Variants in WDR41 observed in about 807,000 individuals in gnomAD.
The protein encoded by WDR41 is WD repeat-containing protein 41.
A neutral mutation model predicts 69.3 loss-of-function variants in WDR41; 63 were observed. The observed-to-expected ratio is 0.91, with a 90% CI of 0.74 to 1.12. The LOEUF (loss-of-function observed/expected upper bound fraction) is 1.12. Ranked by LOEUF, WDR41 falls within the 50% of genes most tolerant of loss-of-function variation. The pLI is 0.00. For synonymous variants in WDR41, 185 were observed against 192.1 expected (o/e 0.96, Z 0.31); for missense variants, 543 against 534.5 (o/e 1.02, Z -0.16).
At chr5:77,588,101 T>C (rs1345342924) in intron 1 of WDR41, among the ~76,000 whole-genome samples, 1 of 152,232 alleles carries the variant, frequency 6.6e-6, no homozygotes, top group East Asian at 1.9e-4. Context: ...TAAACACCTG[T>C]TCAAACAATC....
rs567259572 is a variant in WDR41, at chr5:77,472,968, T to C, written c.168-8159A>G. ...AAAACAGCCCGCATTGCCAAGTCAG[T>C]CCTAAGCCAAAAGAACCAAGCTGGA... On this transcript the variant is annotated intron_variant, in intron 2 of 12. Transcript: ENST00000296679. Among the ~76,000 whole-genome samples the C allele has an allele frequency of 1.5e-3, 233 of 152,224 alleles. 4 individuals are homozygous for C. The highest frequency in any genetic ancestry group is 5.5e-3 in the African/African-American group (229 of 41,522).
chr5:77,521,923 C>T (rs1355085621), intron 1 of WDR41, among the ~76,000 whole-genome samples: 2 of 152,124 alleles, frequency 1.3e-5, no homozygotes, highest in African/African-American at 2.4e-5. Context: ...TCTTTTAAGC[C>T]GTAGGTCTTT....
intron 1 of WDR41, among the ~76,000 whole-genome samples, chr5:77,497,331 T>G (rs573806260): frequency 1.3e-5 from 2 of 152,056 alleles, no homozygotes; most frequent in East Asian, 3.9e-4. Flanking sequence ...AAGAAAATAT[T>G]TGCAAATCAT....
intron 1 of WDR41, among the ~76,000 whole-genome samples, chr5:77,611,267 G>A (rs1744543941): frequency 6.6e-6 from 1 of 152,094 alleles, no homozygotes; most frequent in Non-Finnish European, 1.5e-5. Context: ...AGTTAACAAG[G>A]ATACACAGGA....
intron 1 of WDR41, among the ~76,000 whole-genome samples, chr5:77,519,576 T>C (rs1203023600): frequency 1.3e-5 from 2 of 152,026 alleles, no homozygotes; most frequent in African/African-American, 4.8e-5. Flanking sequence ...GACCTGAAAA[T>C]AGTTTCTTGT....
chr5:77,505,710 C>T (rs544468360), intron 1 of WDR41, among the ~76,000 whole-genome samples: 3 of 152,218 alleles, frequency 2.0e-5, no homozygotes, highest in South Asian at 2.1e-4. Context: ...TGGAACAGAA[C>T]AGAGACCTCA....
At chr5:77,585,919 C>T (rs1744029881) in intron 1 of WDR41, among the ~76,000 whole-genome samples, 1 of 152,038 alleles carries the variant, frequency 6.6e-6, no homozygotes, top group Non-Finnish European at 1.5e-5. Flanking sequence ...CAAATCACCA[C>T]TAAAGAACTT....
At chr5:77,575,822 T>C (rs1406029892) in intron 1 of WDR41, among the ~76,000 whole-genome samples, 1 of 152,058 alleles carries the variant, frequency 6.6e-6, no homozygotes, top group African/African-American at 2.4e-5. Flanking sequence ...TATGGAGAAA[T>C]GGAAAAAGCA....
At chr5:77,562,086 A>G (rs1743537736) in intron 1 of WDR41, among the ~76,000 whole-genome samples, 1 of 152,106 alleles carries the variant, frequency 6.6e-6, no homozygotes, top group Non-Finnish European at 1.5e-5. Flanking sequence ...TTTTGTTTGG[A>G]TTGAGATGGC....
At chr5:77,473,907 C>A (rs1800757034) in intron 2 of WDR41, among the ~76,000 whole-genome samples, 1 of 152,128 alleles carries the variant, frequency 6.6e-6, no homozygotes, top group Non-Finnish European at 1.5e-5. Flanking sequence ...ACTAGAAATA[C>A]CATTTGACCC....
intron 1 of WDR41, chr5:77,491,121 C>T: frequency 2.6e-6 from 1 of 388,052 alleles, no homozygotes; most frequent in South Asian, 1.8e-5. Flanking sequence ...AAATGCCCTG[C>T]CCCGCCTTAA....
chr5:77,492,593 C>T (rs114408013), upstream of WDR41: 777 of 256,622 alleles, frequency 3.0e-3, 4 homozygotes, highest in African/African-American at 0.016. Context: ...AGCAGCAACC[C>T]GACCCCGGCG....
intron 1 of WDR41, among the ~76,000 whole-genome samples, chr5:77,617,562 C>G (rs920446442): frequency 6.6e-6 from 1 of 151,690 alleles, no homozygotes; most frequent in African/African-American, 2.4e-5. Context: ...AAACAAATAT[C>G]ATAGTCATTA....
At position 77,524,087 on chromosome 5, in the gene WDR41, G is replaced by T. The variant is rs367890658; in HGVS notation, c.43-34515C>A. On this transcript the variant is annotated intron_variant, in intron 1 of 5. Transcript: ENST00000509971. Reference sequence around the variant, plus strand: ...CAGTCTAAAACAACAGTGTTCATGTGTTCACAACAGGGACAAAACAATCAA... The same window carrying T: ...CAGTCTAAAACAACAGTGTTCATGTTTTCACAACAGGGACAAAACAATCAA... Among the ~76,000 whole-genome samples the T allele has an allele frequency of 1.3e-4, 20 of 152,210 alleles. No homozygotes were observed. The East Asian group carries it at 2.9e-3, about 22-fold the overall frequency.
intron 1 of WDR41, among the ~76,000 whole-genome samples, chr5:77,599,197 C>CTTTTTTTTTTTTTT (rs34759217): frequency 1.3e-5 from 1 of 76,186 alleles, no homozygotes; most frequent in Non-Finnish European, 2.4e-5. Flanking sequence ...ATCGGAAGCT[C>CTTTTTTTTTTTTTT]TTTTTTTTTT....
At chr5:77,547,035 C>G (rs1275640046) in intron 1 of WDR41, among the ~76,000 whole-genome samples, 2 of 152,204 alleles carry the variant, frequency 1.3e-5, no homozygotes, top group Admixed American at 1.3e-4. Context: ...ATGATCATCT[C>G]AATAGATGCA....
chr5:77,474,277 G>C (rs1010451186), intron 2 of WDR41, among the ~76,000 whole-genome samples: 3 of 152,006 alleles, frequency 2.0e-5, no homozygotes, highest in African/African-American at 7.3e-5. Flanking sequence ...ACACACCAGG[G>C]CCTGTTGTGG....
At position 77,436,292 on chromosome 5, in the gene WDR41, C is replaced by T. The variant is rs527296105; in HGVS notation, c.1196G>A (p.Gly399Glu). 1.0e-4 allele frequency: 166 copies of T among 1,613,928 alleles called. 1 individual carries two copies. The highest frequency in any genetic ancestry group is 8.3e-4 in the South Asian group (76 of 91,076). ...NATSCSLELI[G>E]DLIGHSSSVE... Reference sequence around the variant, plus strand: ...AGATGATGAGTGTCCAATCAAATCTCCAATAAGCTCCAGTGAACATGAAGT... The same window carrying T: ...AGATGATGAGTGTCCAATCAAATCTTCAATAAGCTCCAGTGAACATGAAGT... The change falls in exon 12 of 13, where the codon GGA (glycine) becomes GAA (glutamate). Residue 399 changes from glycine (G) to glutamate (E), a missense_variant. By Grantham distance (98) the Gly-to-Glu change is moderately conservative. Coordinates refer to ENST00000296679, the MANE Select transcript of WDR41 (RefSeq NM_018268.4).
intron 11 of WDR41, 112 bp downstream of exon 11, chr5:77,437,224 A>G: frequency 1.2e-5 from 11 of 894,388 alleles, no homozygotes; most frequent in Non-Finnish European, 2.0e-5. Flanking sequence ...TCTGATGCCT[A>G]TTTGGAGCAT....
Sources: gnomAD v4.1 joint callset for allele counts (sites outside exome capture counted in the v4.1 genomes callset) on GRCh38, gnomAD v4.1.1 for gene constraint, MANE v1.5 for transcripts, NCBI Gene and HGNC (gene_info 2026-07-23, HGNC 2026-07-21) for gene names.